The following GLIS3 variants were observed in gnomAD, a reference collection of about 807,000 sequenced individuals.
GLIS3 encodes the protein zinc finger protein GLIS3.
GLIS3 carries 53 observed loss-of-function variants against 78.6 expected under a neutral mutation model. The observed-to-expected ratio is 0.67, with a 90% CI of 0.54 to 0.85. The LOEUF is 0.85. Ranked by LOEUF, GLIS3 falls within the 40% of genes least tolerant of loss-of-function variation. The probability of loss-of-function intolerance (pLI) is 0.00; values close to 1 mark genes in which losing one functional copy is unlikely to be tolerated. For synonymous variants in GLIS3, 684 were observed against 509.9 expected, an observed-to-expected ratio of 1.34 and a Z score of -4.60; for missense variants, 1,703 against 1,231.1, an observed-to-expected ratio of 1.38 and a Z score of -5.74.
rs191082492 is a variant in GLIS3, at chr9:4,246,165, C to G, written c.388+39873G>C. Among the ~76,000 whole-genome samples the G allele has an allele frequency of 1.3e-3, 196 of 152,192 alleles. 1 individual carries two copies. Among genetic ancestry groups the G allele is most frequent in the African/African-American group, 4.7e-3 (194 of 41,530 alleles). ...GCTGAGGCAAGTAGTTCAAGGCCAG[C>G]CTGGACAGCATGATGAAACCCTGTC... is the stretch of plus-strand genomic sequence containing the variant. On this transcript the variant is annotated intron_variant, in intron 2 of 10. Transcript: ENST00000381971.
chr9:3,966,117 T>C (rs1817916509), intron 4 of GLIS3, among the ~76,000 whole-genome samples: 1 of 152,208 alleles, frequency 6.6e-6, no homozygotes, highest in Admixed American at 6.5e-5. Flanking sequence ...GTATAAGCTC[T>C]AAGAGGGAAG....
Position 4,298,145 on chromosome 9 carries a change from G to A in GLIS3, c.-99+1276C>T, listed in dbSNP as rs554942623. Among the ~76,000 whole-genome samples, 7 of 152,194 alleles carry A rather than the reference G, an allele frequency of 4.6e-5. No homozygotes were observed. The South Asian group carries it at 1.2e-3, about 27-fold the overall frequency. On this transcript the variant is annotated intron_variant, in intron 1 of 10. Transcript: ENST00000381971. ...GAGTCGGGGGCCGAAAGGGTGCTGC[G>A]GCTGGGAAGCCCGGGCGCCGGGGAC...
At chr9:3,988,040 A>G (rs1284855726) in intron 4 of GLIS3, among the ~76,000 whole-genome samples, 4 of 152,084 alleles carry the variant, frequency 2.6e-5, no homozygotes, top group African/African-American at 9.7e-5. Flanking sequence ...ATGATTTGGT[A>G]TATGTATACA....
At chr9:3,992,089 G>T (rs1820360066) in intron 4 of GLIS3, among the ~76,000 whole-genome samples, 1 of 152,094 alleles carries the variant, frequency 6.6e-6, no homozygotes, top group African/African-American at 2.4e-5. Flanking sequence ...AAGAAAATAA[G>T]ATTCCCCATT....
At chr9:4,102,901 T>C (rs1434955811) in intron 4 of GLIS3, among the ~76,000 whole-genome samples, 1 of 151,480 alleles carries the variant, frequency 6.6e-6, no homozygotes, top group Non-Finnish European at 1.5e-5. Flanking sequence ...GAGCTTTACA[T>C]AGAAGGAAAA....
chr9:3,892,217 C>G (rs1044815923), intron 7 of GLIS3, among the ~76,000 whole-genome samples: 1 of 151,932 alleles, frequency 6.6e-6, no homozygotes, highest in Non-Finnish European at 1.5e-5. Flanking sequence ...ACCCAGGTCA[C>G]AGCTAGAAAT....
chr9:4,210,300 G>C (rs894169692), intron 2 of GLIS3, among the ~76,000 whole-genome samples: 4 of 152,196 alleles, frequency 2.6e-5, no homozygotes, highest in African/African-American at 9.6e-5. Context: ...AATCCAACCA[G>C]AAAGTAACCA....
At chr9:4,278,567 T>C (rs947249147) in intron 2 of GLIS3, among the ~76,000 whole-genome samples, 17 of 152,162 alleles carry the variant, frequency 1.1e-4, no homozygotes, top group African/African-American at 4.1e-4. Context: ...GATTCTGTAG[T>C]GATTCACAAA....
chr9:4,288,961 G>C (rs1245572604), intron 1 of GLIS3, among the ~76,000 whole-genome samples: 1 of 151,996 alleles, frequency 6.6e-6, no homozygotes, highest in South Asian at 2.1e-4. Flanking sequence ...TTAGATATTA[G>C]AATGTAAAAA....
At chr9:4,277,995 C>T (rs1168857846) in intron 2 of GLIS3, among the ~76,000 whole-genome samples, 1 of 151,954 alleles carries the variant, frequency 6.6e-6, no homozygotes, top group Non-Finnish European at 1.5e-5. Flanking sequence ...GGAACACATT[C>T]ACCTCCGCTC....
At chr9:4,235,910 A>T (rs1822690087) in intron 2 of GLIS3, among the ~76,000 whole-genome samples, 1 of 152,180 alleles carries the variant, frequency 6.6e-6, no homozygotes, top group Non-Finnish European at 1.5e-5. Flanking sequence ...CTTCTTTTTC[A>T]AATGGTGCCA....
intron 10 of GLIS3, 26 bp from the exon 11 acceptor site, chr9:3,828,434 T>C (rs980534635): frequency 1.9e-6 from 3 of 1,611,610 alleles, no homozygotes; most frequent in Non-Finnish European, 2.5e-6. Flanking sequence ...CGCAGTTAAG[T>C]CAGTAACTCC....
intron 2 of GLIS3, among the ~76,000 whole-genome samples, chr9:4,265,896 G>GCTT (rs1216804138): frequency 4.7e-5 from 5 of 105,532 alleles, no homozygotes; most frequent in African/African-American, 1.7e-4. Flanking sequence ...CACTCACCCT[G>GCTT]GTTTTTTTTT....
At chr9:4,343,745 T>G (rs994020561) in intron 2 of GLIS3, among the ~76,000 whole-genome samples, 2 of 152,174 alleles carry the variant, frequency 1.3e-5, no homozygotes, top group South Asian at 4.1e-4. Flanking sequence ...AAAAAAACAA[T>G]GAGATCTTGT....
intron 10 of GLIS3, among the ~76,000 whole-genome samples, chr9:3,828,812 G>A (rs896586966): frequency 6.6e-6 from 1 of 152,162 alleles, no homozygotes; most frequent in African/African-American, 2.4e-5. Flanking sequence ...GGGGTCAAGG[G>A]TGCTGGCAAA....
chr9:4,248,910 C>A (rs1027683350), intron 2 of GLIS3, among the ~76,000 whole-genome samples: 1 of 152,124 alleles, frequency 6.6e-6, no homozygotes, highest in South Asian at 2.1e-4. Flanking sequence ...TGTTCGTATA[C>A]TTCAACCACT....
intron 2 of GLIS3, among the ~76,000 whole-genome samples, chr9:4,178,976 T>A (rs1282160681): frequency 2.6e-5 from 4 of 152,248 alleles, no homozygotes; most frequent in African/African-American, 9.6e-5. Context: ...TTAAAGAAAA[T>A]GTGAATTATT....
At chr9:4,025,329 A>G (rs1823240662) in intron 4 of GLIS3, among the ~76,000 whole-genome samples, 1 of 152,184 alleles carries the variant, frequency 6.6e-6, no homozygotes. Context: ...GGACGGAAAA[A>G]TAAAGCCTCT....
chr9:4,347,253 T>G (rs530034159), intron 1 of GLIS3: 1 of 152,250 alleles, frequency 6.6e-6, no homozygotes, highest in East Asian at 1.9e-4. Flanking sequence ...CCAGCTCTCA[T>G]GGGAACTAAT....
Sources: allele counts gnomAD v4.1 joint callset (sites outside exome capture counted in the v4.1 genomes callset), GRCh38; gene constraint gnomAD v4.1.1; transcripts MANE v1.5; gene names NCBI Gene and HGNC (gene_info 2026-07-23, HGNC 2026-07-21).